SPINT2: variants seen among roughly 807,000 people sequenced by gnomAD.
The protein encoded by SPINT2 is kunitz-type protease inhibitor 2.
In SPINT2, 18 loss-of-function variants were observed where a neutral mutation model predicts 30.1. The observed-to-expected ratio is 0.60, with a 90% CI of 0.41 to 0.89. The LOEUF (loss-of-function observed/expected upper bound fraction) is 0.89. Ranked by LOEUF, SPINT2 falls within the 40% of genes least tolerant of loss-of-function variation. The pLI is 0.00. For missense variants in SPINT2, 276 were observed against 334.3 expected (o/e 0.83, Z 1.36); for synonymous variants, 139 against 137.9 (o/e 1.01, Z -0.05).
rs747620296 is a variant in SPINT2 at position 38,287,932 on chromosome 19, AGTGGTAG to A, written c.337_337+6del. 6.2e-7 allele frequency: 1 copy of A among 1,613,948 alleles called. No individual in the cohort carries two copies. The highest frequency in any genetic ancestry group is 8.5e-7 in the Non-Finnish European group (1 of 1,179,986). On this transcript the variant is annotated splice_donor_variant and splice_donor_region_variant and coding_sequence_variant and intron_variant, in exon 3 of 7. Transcript: ENST00000301244. LOFTEE classifies it high-confidence loss of function. ...GAATGCAGCGGATTCCTCTGTCCCA[AGTGGTAG>A]GTTCTTAAAGAGACCCGCGATGGAG...
At position 38,291,679 on chromosome 19, in the gene SPINT2, C is replaced by A. The variant is rs1227088039; in HGVS notation, c.593-161C>A. 113 of 825,348 alleles carry A rather than the reference C, an allele frequency of 1.4e-4. 1 individual carries two copies. The South Asian group carries it at 1.7e-3, about 12-fold the overall frequency. The allele number at this position is 825,348 out of a possible 1,614,324, so 51.1% of individuals were successfully genotyped here. The stretch of plus-strand genomic sequence containing the variant: ...TCTCCTTGGTGGCATCTCTGGCAGG[C>A]TGTGTCCTCTCCAGCTGCAGTTCTG... On this transcript the variant is annotated intron_variant, in intron 6 of 6. Coordinates refer to ENST00000301244, the MANE Select transcript of SPINT2 (RefSeq NM_021102.4).
rs143476544 is a variant in SPINT2, at chr19:38,273,268, C to G, written c.106+8270C>G. Among the ~76,000 whole-genome samples, 448 of 152,178 alleles carry G rather than the reference C, an allele frequency of 2.9e-3. 3 individuals are homozygous for G. Among genetic ancestry groups the G allele is most frequent in the African/African-American group, 0.011 (437 of 41,508 alleles). ...TTTCTGTACTGGAAACAGAAACACT[C>G]AAATATATAGAACCTAGCCAGCTAA... is the stretch of plus-strand genomic sequence containing the variant. On this transcript the variant is annotated intron_variant, in intron 1 of 6. Transcript: ENST00000301244.
intron 1 of SPINT2, among the ~76,000 whole-genome samples, chr19:38,271,287 C>A (rs745400990): frequency 1.3e-5 from 2 of 151,258 alleles, no homozygotes; most frequent in Non-Finnish European, 2.9e-5. Flanking sequence ...ATCAGGAGAT[C>A]GAGACCATCC....
chr19:38,284,805 T>C (rs1256686859), intron 2 of SPINT2, among the ~76,000 whole-genome samples: 2 of 152,150 alleles, frequency 1.3e-5, no homozygotes, highest in African/African-American at 4.8e-5. Context: ...TGGAGTGCAG[T>C]AGAGCAATCT....
Position 38,264,909 on chromosome 19 carries a change from G to A in SPINT2, c.17G>A (p.Gly6Glu). 1 of 1,535,384 alleles carries A rather than the reference G, an allele frequency of 6.5e-7. No homozygotes were observed. The highest frequency in any genetic ancestry group is 2.4e-5 in the East Asian group (1 of 40,910). The change falls in exon 1 of 7, where the codon GGG (glycine) becomes GAG (glutamate). Residue 6 changes from glycine to glutamate, a missense_variant. Transcript: ENST00000301244. MAQLC[G>E]LRRSRAFLAL... ...GAGCTGGCCATGGCGCAGCTGTGCG[G>A]GCTGAGGCGGAGCCGGGCGTTTCTC...
In SPINT2 at chr19:38,288,792, C is replaced by G. The variant is rs192859446; in HGVS notation, c.338-346C>G. 2.8e-3 allele frequency: 874 copies of G among 309,078 alleles called. 8 individuals are homozygous for G. The highest frequency in any genetic ancestry group is 0.018 in the African/African-American group (833 of 46,540). The allele number at this position is 309,078 out of a possible 1,614,324, so 19.1% of individuals were successfully genotyped here. A position where few individuals can be genotyped will look rare whatever the true frequency, so the allele number is the denominator to read the frequency against. ...CCTGTTTATCCTCTGCTAGCCCCCC[C>G]ACACACCAGCTCTGGTTTCCATCTT... On this transcript the variant is annotated intron_variant, in intron 3 of 6. Transcript: ENST00000301244.
At chr19:38,266,568 C>T (rs777787284) in intron 1 of SPINT2, among the ~76,000 whole-genome samples, 2 of 151,794 alleles carry the variant, frequency 1.3e-5, no homozygotes, top group Non-Finnish European at 2.9e-5. Flanking sequence ...CCCGGCTACT[C>T]GGGAGGCTGA....
chr19:38,279,941 A>T (rs892573599), intron 1 of SPINT2, among the ~76,000 whole-genome samples: 2 of 152,240 alleles, frequency 1.3e-5, no homozygotes, highest in East Asian at 3.9e-4. Context: ...GGCGTGAGCC[A>T]CCATGCCTGA....
At chr19:38,278,491 A>G (rs1370429753) in intron 1 of SPINT2, among the ~76,000 whole-genome samples, 1 of 152,244 alleles carries the variant, frequency 6.6e-6, no homozygotes, top group African/African-American at 2.4e-5. Flanking sequence ...GGTAGGGCAC[A>G]TGATATGCCA....
chr19:38,279,280 C>A (rs1968553530), intron 1 of SPINT2, among the ~76,000 whole-genome samples: 1 of 151,708 alleles, frequency 6.6e-6, no homozygotes, highest in Non-Finnish European at 1.5e-5. Flanking sequence ...AGGTGGATCA[C>A]CTGAGGTCAG....
intron 1 of SPINT2, among the ~76,000 whole-genome samples, chr19:38,280,255 T>C (rs913893129): frequency 6.6e-6 from 1 of 152,194 alleles, no homozygotes; most frequent in Non-Finnish European, 1.5e-5. Context: ...CCGGAAGAGC[T>C]GTCCTCAGCC....
rs981159575 is a variant in SPINT2, at chr19:38,264,975, C to A, written c.83C>A (p.Ala28Asp). The A allele has an allele frequency of 1.3e-6, 2 of 1,534,240 alleles. No homozygotes were observed. Among genetic ancestry groups the A allele is most frequent in the Non-Finnish European group, 1.7e-6 (2 of 1,144,822 alleles). ...GSLLLSGVLAADRERSIHDFC... is the reference protein window; with the variant it reads ...GSLLLSGVLADDRERSIHDFC... ...CTGCTCCTCTCTGGGGTCCTGGCGG[C>A]CGACCGAGAACGCAGCATCCACGGT... The change falls in exon 1 of 7, where the codon GCC (alanine) becomes GAC (aspartate). Residue 28 changes from alanine (A) to aspartate (D), a missense_variant. Ala to Asp is a moderately radical substitution (Grantham distance 126). Coordinates refer to ENST00000301244, the MANE Select transcript of SPINT2 (RefSeq NM_021102.4).
rs553785926 is a variant in SPINT2, at chr19:38,285,123, C to T, written c.277+1326C>T. 7.9e-5 allele frequency among the ~76,000 whole-genome samples: 12 copies of T among 152,270 alleles called. No individual in the cohort carries two copies. In the East Asian group the frequency reaches 1.5e-3, roughly 20 times the overall value. ...TACGTCCTGGAATCCATCCTCTTTG[C>T]GGCCCTCACCTGCGAGGAGTTCTGT... is the stretch of plus-strand genomic sequence containing the variant. On this transcript the variant is annotated intron_variant, in intron 2 of 6. Coordinates refer to ENST00000301244, the MANE Select transcript of SPINT2 (RefSeq NM_021102.4).
chr19:38,283,742 C>T lies in SPINT2; in HGVS notation c.222C>T (p.Asn74=). Residue 74 remains asparagine (N), a synonymous_variant, in exon 2 of 7, where the codon AAC becomes AAT. Transcript: ENST00000301244. ...TTGTGTATGGGGGCTGTGACGGAAACAGCAATAATTACCTGACCAAGGAGG... is the reference window on the plus strand; with the variant it reads ...TTGTGTATGGGGGCTGTGACGGAAATAGCAATAATTACCTGACCAAGGAGG... ...QLFVYGGCDG[N]SNNYLTKEEC... 1 of 1,609,948 alleles carries T rather than the reference C, an allele frequency of 6.2e-7. No homozygotes were observed. Among genetic ancestry groups the T allele is most frequent in the South Asian group, 1.1e-5 (1 of 90,994 alleles).
intron 1 of SPINT2, among the ~76,000 whole-genome samples, chr19:38,282,672 C>G (rs1968592979): frequency 6.6e-6 from 1 of 152,160 alleles, no homozygotes; most frequent in Non-Finnish European, 1.5e-5. Flanking sequence ...AAACCCAGGC[C>G]CATCTTGGTG....
intron 1 of SPINT2, among the ~76,000 whole-genome samples, chr19:38,273,995 C>G (rs1166206690): frequency 1.3e-5 from 2 of 152,080 alleles, no homozygotes; most frequent in Non-Finnish European, 2.9e-5. Context: ...CTTCAGGAGG[C>G]CGAGGCGGGT....
At chr19:38,270,631 G>A (rs192743177) in intron 1 of SPINT2, among the ~76,000 whole-genome samples, 14 of 152,316 alleles carry the variant, frequency 9.2e-5, no homozygotes, top group African/African-American at 2.9e-4. Flanking sequence ...TCAGGTCACC[G>A]CGGGAGACTG....
intron 2 of SPINT2, among the ~76,000 whole-genome samples, chr19:38,287,504 T>C (rs914041187): frequency 6.6e-6 from 1 of 152,124 alleles, no homozygotes; most frequent in African/African-American, 2.4e-5. Context: ...GCCCTAACTT[T>C]TGTATTTTTA....
Position 38,287,771 on chromosome 19 carries a change from G to A in SPINT2, c.278-105G>A, listed in dbSNP as rs568115352. 7.6e-4 allele frequency: 927 copies of A among 1,225,136 alleles called. 11 individuals are homozygous for A. In the South Asian group the frequency reaches 9.6e-3, roughly 13 times the overall value. 75.9% of individuals were successfully genotyped at this position (1,225,136 alleles called of 1,614,324 possible). On this transcript the variant is annotated intron_variant, in intron 2 of 6. Transcript: ENST00000301244. ...TGCACATTGAAGGTCCCATGTAAAG[G>A]AGAAGTGGATGCTGTGGTGAGAGGC...
Sources: allele counts gnomAD v4.1 joint callset (sites outside exome capture counted in the v4.1 genomes callset), GRCh38; gene constraint gnomAD v4.1.1; transcripts MANE v1.5; gene names NCBI Gene and HGNC (gene_info 2026-07-23, HGNC 2026-07-21).